The following TCFL5 variants were observed in gnomAD, a reference collection of about 807,000 sequenced individuals.
The protein encoded by TCFL5 is transcription factor like 5.
Under a neutral mutation model 44.3 loss-of-function variants are expected in TCFL5, and 9 were observed. The ratio of observed to expected loss-of-function variants is 0.20; its 90% CI spans 0.12 to 0.35. The LOEUF (loss-of-function observed/expected upper bound fraction) is 0.35. TCFL5 is among the 10% of genes least tolerant of loss of function. The pLI, the probability that TCFL5 is intolerant of heterozygous loss-of-function variation, is 1.00. For synonymous variants in TCFL5, 319 were observed against 271.6 expected (o/e 1.17, Z -1.72); for missense variants, 603 against 613.4 (o/e 0.98, Z 0.18).
chr20:62,842,064 G>T lies in TCFL5; in HGVS notation c.1414C>A (p.Arg472=). The T allele has an allele frequency of 1.2e-6, 2 of 1,614,158 alleles. No individual in the cohort carries two copies. The highest frequency in any genetic ancestry group is 1.7e-6 in the Non-Finnish European group (2 of 1,180,026). The part of the protein sequence containing the change: ...FESVFCGKTG[R]RLKLTRPDSL... ...TCCGGTCTGGTCAGCTTTAGCCTTC[G>T]GCCAGTTTTACCGCAAAATACGCTC... Residue 472 remains arginine, a synonymous_variant, in exon 6 of 6, where the codon CGA becomes AGA. Coordinates refer to ENST00000335351, the MANE Select transcript of TCFL5 (RefSeq NM_006602.4). This position sits in a 1 kb window ranked among gnomAD's most constrained non-coding sequence, Gnocchi z 4.3.
Position 62,861,420 on chromosome 20 carries a change from G to A in TCFL5, c.251C>T (p.Ala84Val). The A allele has an allele frequency of 8.8e-7, 1 of 1,136,292 alleles. No individual in the cohort carries two copies. The highest frequency in any genetic ancestry group is 1.1e-6 in the Non-Finnish European group (1 of 924,072). The allele number at this position is 1,136,292 out of a possible 1,614,324, so 70.4% of individuals were successfully genotyped here. ...GCCCGCGCCTGCGCCCGGGCCCGCC[G>A]CCGCCAGCAGCGCCGAGTTGAGGCG... ...ETRLNSALLA[A>V]AGPGAGAGGF... The change falls in exon 1 of 6, where the codon GCG becomes GTG. Residue 84 changes from alanine to valine, a missense_variant. Around this residue, in one of 4 missense-constraint regions of TCFL5, gnomAD observed 540 missense variants for 478.7 expected, o/e 1.13. Coordinates refer to ENST00000335351, the MANE Select transcript of TCFL5 (RefSeq NM_006602.4). The surrounding 1 kb of genome is among the most constrained non-coding windows in gnomAD (Gnocchi z 4.0).
intron 5 of TCFL5, chr20:62,846,077 C>T (rs2063739149): frequency 7.5e-7 from 1 of 1,325,518 alleles, no homozygotes; most frequent in Non-Finnish European, 1.0e-6. Flanking sequence ...CTTCAGGAAG[C>T]AAGTCCATAA....
chr20:62,848,121 G>A (rs2063766664), intron 5 of TCFL5, among the ~76,000 whole-genome samples: 1 of 152,244 alleles, frequency 6.6e-6, no homozygotes, highest in African/African-American at 2.4e-5. Context: ...CGAGTCTGCA[G>A]CAGGGCCTGA....
At position 62,857,767 on chromosome 20, in the gene TCFL5, C is replaced by CA. The variant is rs372847528; in HGVS notation, c.995-130dup. ...GTAAGCAGCACAGAGAACCGAAACA[C>CA]AAAGAGATGTACTAATGCAGTTTTT... On this transcript the variant is annotated intron_variant, in intron 3 of 5. Transcript: ENST00000335351. 6 of 1,134,602 alleles carry CA rather than the reference C, an allele frequency of 5.3e-6. No homozygotes were observed. In the South Asian group the frequency reaches 9.6e-5, roughly 18 times the overall value. The allele number at this position is 1,134,602 out of a possible 1,614,324, so 70.3% of individuals were successfully genotyped here.
At chr20:62,845,938 G>C (rs751542161) in intron 5 of TCFL5, 24 of 1,479,114 alleles carry the variant, frequency 1.6e-5, no homozygotes, top group Non-Finnish European at 2.0e-5. Flanking sequence ...TCCGAACCCT[G>C]AACAGCTGGA....
intron 5 of TCFL5, chr20:62,852,602 C>T (rs904369239): frequency 7.1e-6 from 7 of 982,702 alleles, no homozygotes; most frequent in East Asian, 1.1e-4. Flanking sequence ...CATATGCTGG[C>T]GCTAACACGC....
At chr20:62,851,533 A>G (rs1469558415) in intron 5 of TCFL5, 26 of 985,410 alleles carry the variant, frequency 2.6e-5, no homozygotes, top group Middle Eastern at 1.0e-3. Context: ...ACAAATCAAC[A>G]GTCTACCTCT....
rs1265961745 is a variant in TCFL5, at chr20:62,852,353, C to A, written c.1380+1663G>T. 16 of 981,742 alleles carry A rather than the reference C, an allele frequency of 1.6e-5. No homozygotes were observed. In the African/African-American group the frequency reaches 1.7e-4, roughly 11 times the overall value. The allele number at this position is 981,742 out of a possible 1,614,324, so 60.8% of individuals were successfully genotyped here. A position where few individuals can be genotyped will look rare whatever the true frequency, so the allele number is the denominator to read the frequency against. On this transcript the variant is annotated intron_variant, in intron 5 of 5. Transcript: ENST00000335351. ...GTCCCCCAAAGGCAGGGCCCAGGAC[C>A]CTGGAACTCGGGTCCCCTGAAGGCA... is the stretch of plus-strand genomic sequence containing the variant.
intron 4 of TCFL5, among the ~76,000 whole-genome samples, chr20:62,855,507 C>T (rs2063874194): frequency 6.6e-6 from 1 of 152,244 alleles, no homozygotes; most frequent in African/African-American, 2.4e-5. Flanking sequence ...TGGCTCAAGC[C>T]TGTAATCCCA....
chr20:62,856,416 AGGCAATAGCCAGGAGCGGT>A (rs2063891436), intron 4 of TCFL5, among the ~76,000 whole-genome samples: 1 of 151,938 alleles, frequency 6.6e-6, no homozygotes, highest in Non-Finnish European at 1.5e-5. Context: ...TAAAAGAACC[AGGCAATAGCCAGGAGCGGT>A]GGCTCACACC....
At chr20:62,860,796 A>G (rs541807709) in intron 1 of TCFL5, among the ~76,000 whole-genome samples, 3 of 152,284 alleles carry the variant, frequency 2.0e-5, no homozygotes, top group African/African-American at 7.2e-5. Flanking sequence ...AGGCGGGGCC[A>G]CTGAGGGAGG....
chr20:62,845,613 A>G, intron 5 of TCFL5: 1 of 1,589,012 alleles, frequency 6.3e-7, no homozygotes, highest in South Asian at 1.1e-5. Flanking sequence ...AGACCCTCGG[A>G]GCTGGTCTCG....
At chr20:62,857,936 T>G (rs1161421767) in intron 3 of TCFL5, among the ~76,000 whole-genome samples, 1 of 151,938 alleles carries the variant, frequency 6.6e-6, no homozygotes, top group Non-Finnish European at 1.5e-5. Context: ...TTAACAGGTG[T>G]TATCTATGAA....
chr20:62,852,354 C>T (rs1421367175), intron 5 of TCFL5: 1 of 981,636 alleles, frequency 1.0e-6, no homozygotes, highest in East Asian at 1.1e-4. Context: ...GCCCAGGACC[C>T]TGGAACTCGG....
chr20:62,857,736 T>C (rs2147286971), intron 3 of TCFL5, 98 bp from the exon 4 acceptor site: 3 of 1,424,302 alleles, frequency 2.1e-6, no homozygotes, highest in East Asian at 4.7e-5. Flanking sequence ...ATATAAACAT[T>C]ATTGGGTAAG....
chr20:62,843,881 A>C (rs2063706868), intron 5 of TCFL5, among the ~76,000 whole-genome samples: 1 of 152,190 alleles, frequency 6.6e-6, no homozygotes, highest in Admixed American at 6.5e-5. Context: ...CACTCAGCAT[A>C]ATGACCTCGG....
intron 3 of TCFL5, 100 bp from the exon 4 acceptor site, chr20:62,857,738 T>C (rs760581750): frequency 1.2e-4 from 166 of 1,413,638 alleles, no homozygotes; most frequent in Middle Eastern, 1.9e-4. Flanking sequence ...ATAAACATTA[T>C]TGGGTAAGCA....
intron 5 of TCFL5, chr20:62,845,670 G>A (rs779079523): frequency 5.6e-6 from 9 of 1,606,386 alleles, no homozygotes; most frequent in African/African-American, 1.3e-5. Context: ...GACCATGGCA[G>A]TATTTCATGA....
chr20:62,845,022 T>A, intron 5 of TCFL5: 1 of 986,094 alleles, frequency 1.0e-6, no homozygotes, highest in African/African-American at 1.7e-5. Flanking sequence ...ATTCCACCCA[T>A]CCACTTTTAA....
Sources: gnomAD v4.1 joint callset for allele counts (sites outside exome capture counted in the v4.1 genomes callset) on GRCh38, gnomAD v4.1.1 for gene constraint, gnomAD v4.1.1 regional missense constraint, Gnocchi (gnomAD v3.1) non-coding constraint, MANE v1.5 for transcripts, NCBI Gene and HGNC (gene_info 2026-07-23, HGNC 2026-07-21) for gene names.